Variants in LAMA5 observed in about 807,000 individuals in gnomAD.
The protein encoded by LAMA5 is laminin subunit alpha-5.
Under a neutral mutation model 433.4 loss-of-function variants are expected in LAMA5, and 260 were observed. That is an observed-to-expected ratio of 0.60 (90% CI 0.54 to 0.66). LAMA5 has a LOEUF of 0.66. LAMA5 is among the 30% of genes least tolerant of loss of function. LAMA5 has a pLI of 0.00. For synonymous variants in LAMA5, 2,620 were observed against 2,226.6 expected (o/e 1.18, Z -4.97); for missense variants, 5,378 against 5,258.5 (o/e 1.02, Z -0.70).
Position 62,310,957 on chromosome 20 carries a change from C to T in LAMA5, c.10226G>A (p.Gly3409Glu). 1 of 1,611,446 alleles carries T rather than the reference C, an allele frequency of 6.2e-7. No homozygotes were observed. The highest frequency in any genetic ancestry group is 8.5e-7 in the Non-Finnish European group (1 of 1,179,542). Reference protein sequence around the residue: ...GHFVAQMEGLGTRLRAQSRQR... With the variant: ...GHFVAQMEGLETRLRAQSRQR... Reference sequence around the variant, plus strand: ...GCGGCTCTGGGCGCGGAGCCGAGTCCCGAGGCCTTCCATCTGTGCAACGAA... The same window carrying T: ...GCGGCTCTGGGCGCGGAGCCGAGTCTCGAGGCCTTCCATCTGTGCAACGAA... The change falls in exon 74 of 80, where the codon GGG (glycine) becomes GAG (glutamate). Residue 3409 changes from glycine to glutamate, a missense_variant. By Grantham distance (98) the Gly-to-Glu change is moderately conservative. Transcript: ENST00000252999.
chr20:62,314,417 C>A lies in LAMA5; in HGVS notation c.8391G>T (p.Val2797=). The A allele has an allele frequency of 1.2e-6, 2 of 1,613,510 alleles. No homozygotes were observed. The highest frequency in any genetic ancestry group is 1.7e-6 in the Non-Finnish European group (2 of 1,179,940). ...AGTGCACCTTCTTGTCACGCAGAGA[C>A]ACACCCATGTAGTCCCCAGTGGCCT... ...SRQATGDYMG[V]SLRDKKVHWV... is the part of the protein sequence containing the mutation. The change falls in exon 62 of 80, where the codon GTG becomes GTT. Residue 2797 remains valine (V), a synonymous_variant. Coordinates refer to ENST00000252999, the MANE Select transcript of LAMA5 (RefSeq NM_005560.6).
Position 62,323,438 on chromosome 20 carries a change from T to TC in LAMA5, c.6064+17dup, listed in dbSNP as rs780739714. 2 of 1,525,556 alleles carry TC rather than the reference T, an allele frequency of 1.3e-6. No individual in the cohort carries two copies. Among genetic ancestry groups the TC allele is most frequent in the South Asian group, 2.4e-5 (2 of 82,224 alleles). The allele number at this position is 1,525,556 out of a possible 1,614,324, so 94.5% of individuals were successfully genotyped here. ...CGCAACCCTCCCCAGGGTGCATCCCTCCCAGCCCGACGCCTACGGGTGCAG... is the reference window on the plus strand; with the variant it reads ...CGCAACCCTCCCCAGGGTGCATCCCTCCCCAGCCCGACGCCTACGGGTGCAG... On this transcript the variant is annotated intron_variant, in intron 45 of 79. Coordinates refer to ENST00000252999, the MANE Select transcript of LAMA5 (RefSeq NM_005560.6).
In LAMA5 at chr20:62,317,482, G is replaced by C. The variant is rs146174815; in HGVS notation, c.7374C>G (p.Ala2458=). ...DQAKEELERL[A]ASLDGARTPL... The stretch of plus-strand genomic sequence containing the variant: ...GGGTCCGAGCCCCATCCAGGCTGGC[G>C]GCGAGGCGCTCCAGCTCCTGGAATT... Residue 2458 remains alanine (A), a synonymous_variant, in exon 55 of 80, where the codon GCC becomes GCG. Coordinates refer to ENST00000252999, the MANE Select transcript of LAMA5 (RefSeq NM_005560.6). 3 of 1,551,424 alleles carry C rather than the reference G, an allele frequency of 1.9e-6. No homozygotes were observed. Among genetic ancestry groups the C allele is most frequent in the Non-Finnish European group, 2.6e-6 (3 of 1,146,086 alleles).
chr20:62,330,275 CG>C (rs1282329826), intron 31 of LAMA5, among the ~76,000 whole-genome samples: 1 of 152,272 alleles, frequency 6.6e-6, no homozygotes, highest in Non-Finnish European at 1.5e-5. Context: ...GGCTTCCCAA[CG>C]CACGAGACAG....
At position 62,309,763 on chromosome 20, in the gene LAMA5, G is replaced by A. The variant is rs767866259; in HGVS notation, c.10901C>T (p.Ala3634Val). 48 of 1,604,914 alleles carry A rather than the reference G, an allele frequency of 3.0e-5. No individual in the cohort carries two copies. Among genetic ancestry groups the A allele is most frequent in the Admixed American group, 3.5e-5 (2 of 57,068 alleles). ...QSNHTVGPLL[A>V]AAAGAPAPLY... ...AGGGGCTGGGGCACCAGCTGCAGCCGCCAGCAAGGGGCCCACGGTGTGGTT... is the reference window on the plus strand; with the variant it reads ...AGGGGCTGGGGCACCAGCTGCAGCCACCAGCAAGGGGCCCACGGTGTGGTT... The change falls in exon 79 of 80, where the codon GCG (alanine) becomes GTG (valine). Residue 3634 changes from alanine (A) to valine (V), a missense_variant. By Grantham distance (64) the Ala-to-Val change is moderately conservative. Coordinates refer to ENST00000252999, the MANE Select transcript of LAMA5 (RefSeq NM_005560.6).
At chr20:62,323,251 G>A (rs1978638130) in intron 45 of LAMA5, among the ~76,000 whole-genome samples, 1 of 150,856 alleles carries the variant, frequency 6.6e-6, no homozygotes, top group African/African-American at 2.4e-5. Context: ...GATCGCTGGG[G>A]CGGGAGGGCC....
intron 17 of LAMA5, 53 bp downstream of exon 17, chr20:62,336,681 A>G: frequency 6.2e-7 from 1 of 1,600,600 alleles, no homozygotes; most frequent in Non-Finnish European, 8.6e-7. Context: ...CGGGACTTTT[A>G]GCTTGGCCTG....
intron 18 of LAMA5, among the ~76,000 whole-genome samples, chr20:62,335,585 C>G (rs1409586359): frequency 1.4e-5 from 2 of 140,752 alleles, no homozygotes; most frequent in African/African-American, 2.7e-5. Flanking sequence ...TACCCCAACA[C>G]TCCCTCCAGG....
rs754000684 is a variant in LAMA5, at chr20:62,309,471, G to A, written c.10953C>T (p.Pro3651=). The change falls in exon 80 of 80, where the codon CCC becomes CCT. Residue 3651 remains proline, a synonymous_variant. Coordinates refer to ENST00000252999, the MANE Select transcript of LAMA5 (RefSeq NM_005560.6). ...APLYLGGLPE[P]MAVQPWPPAY... is the part of the protein sequence containing the mutation. ...CGGGGGGCCAGGGCTGCACGGCCAT[G>A]GGCTCTGGGGGCACAGGGAAGATGG... 1 of 1,576,286 alleles carries A rather than the reference G, an allele frequency of 6.3e-7. No individual in the cohort carries two copies. The highest frequency in any genetic ancestry group is 1.1e-5 in the South Asian group (1 of 87,404).
At chr20:62,325,083 T>TGGAGGGGCAGGCGGATGAG (rs1979017353) in intron 41 of LAMA5, 3 of 118,542 alleles carry the variant, frequency 2.5e-5, no homozygotes, top group African/African-American at 2.5e-4. Context: ...GGTGTGTGCA[T>TGGAGGGGCAGGCGGATGAG]GGAGGGGCAG....
chr20:62,325,031 C>G, intron 41 of LAMA5: 1 of 340,092 alleles, frequency 2.9e-6, no homozygotes, highest in Non-Finnish European at 5.5e-6. Flanking sequence ...GTCCAGGTGA[C>G]CCAGTGGTGG....
intron 11 of LAMA5, 62 bp downstream of exon 11, chr20:62,345,756 T>C: frequency 8.0e-7 from 1 of 1,246,190 alleles, no homozygotes. Context: ...AGGAACTTTC[T>C]GTGAAGCCGC....
In LAMA5 at chr20:62,358,179, G is replaced by A. The variant is rs568593125; in HGVS notation, c.450+4221C>T. On this transcript the variant is annotated intron_variant, in intron 2 of 79. Transcript: ENST00000252999. ...TGCAGCCACCAAGGGCAAGCATGGC[G>A]CGGGGGTGCGGGGAGAGGAGCGGCC... Among the ~76,000 whole-genome samples, 37 of 133,634 alleles carry A rather than the reference G, an allele frequency of 2.8e-4. No individual in the cohort carries two copies. The East Asian group carries it at 3.3e-3, about 12-fold the overall frequency. 87.7% of individuals were successfully genotyped at this position (133,634 alleles called of 152,430 possible).
intron 11 of LAMA5, among the ~76,000 whole-genome samples, chr20:62,345,079 G>A (rs959331699): frequency 6.6e-6 from 1 of 152,232 alleles, no homozygotes; most frequent in East Asian, 1.9e-4. Context: ...GTGCAGTGGT[G>A]CAATCTCGGC....
chr20:62,362,666 C>T, intron 1 of LAMA5, 114 bp from the exon 2 acceptor site: 1 of 944,038 alleles, frequency 1.1e-6, no homozygotes, highest in Non-Finnish European at 1.4e-6. Flanking sequence ...TGGTTCCACG[C>T]CCAGCCTCTG....
Position 62,316,675 on chromosome 20 carries a change from G to A in LAMA5, c.7752C>T (p.Gly2584=), listed in dbSNP as rs757650899. Residue 2584 remains glycine (G), a synonymous_variant, in exon 57 of 80, where the codon GGC becomes GGT. Coordinates refer to ENST00000252999, the MANE Select transcript of LAMA5 (RefSeq NM_005560.6). Reference sequence around the variant, plus strand: ...CCATCGGAGCCCAGCACTCACCAAGGCCCAGCCTCTGCTGTTCCTGGAGCA... The same window carrying A: ...CCATCGGAGCCCAGCACTCACCAAGACCCAGCCTCTGCTGTTCCTGGAGCA... ...EAMLQEQQRL[G]LVWAALQGAR... 4 of 1,594,210 alleles carry A rather than the reference G, an allele frequency of 2.5e-6. No individual in the cohort carries two copies. The highest frequency in any genetic ancestry group is 1.1e-5 in the South Asian group (1 of 89,482).
In LAMA5 at chr20:62,310,351, C is replaced by G; in HGVS notation, c.10601-40G>C. On this transcript the variant is annotated intron_variant, in intron 76 of 79. Transcript: ENST00000252999. ...TGTGATGGAGAAGAAAGGGGGGGCC[C>G]CTCCCCAGAACCTCCTGGAGCCCCC... is the stretch of plus-strand genomic sequence containing the variant. 2.5e-6 allele frequency: 4 copies of G among 1,573,096 alleles called. No individual in the cohort carries two copies. The South Asian group carries it at 4.8e-5, about 19-fold the overall frequency.
chr20:62,338,056 G>T lies in LAMA5; in HGVS notation c.1851C>A (p.Asp617Glu), dbSNP rs895876738. Residue 617 changes from aspartate to glutamate, a missense_variant, in exon 14 of 80, where the codon GAC (aspartate) becomes GAA (glutamate). Transcript: ENST00000252999. ...AACCATGGTAGCCAGGGCGGCACCG[G>T]TCACAATGAGGTCCAGCAAACTCAG... is the stretch of plus-strand genomic sequence containing the variant. ...CQPEFAGPHC[D>E]RCRPGYHGFP... 2 of 1,604,866 alleles carry T rather than the reference G, an allele frequency of 1.2e-6. No homozygotes were observed. The highest frequency in any genetic ancestry group is 1.1e-5 in the South Asian group (1 of 90,176).
Position 62,346,187 on chromosome 20 carries a change from A to C in LAMA5, c.1311T>G (p.Asp437Glu). 6.2e-7 allele frequency: 1 copy of C among 1,612,630 alleles called. No homozygotes were observed. Among genetic ancestry groups the C allele is most frequent in the Non-Finnish European group, 8.5e-7 (1 of 1,179,822 alleles). ...RRCNCESDFT[D>E]GTCEDLTGRC... is the part of the protein sequence containing the mutation. ...GACCCGTCAGGTCCTCGCAGGTGCC[A>C]TCCGTGAAGTCGGACTCGCAGTTGC... is the stretch of plus-strand genomic sequence containing the variant. The change falls in exon 10 of 80, where the codon GAT becomes GAG. Residue 437 changes from aspartate (D) to glutamate (E), a missense_variant. Asp to Glu is a conservative substitution (Grantham distance 45). Transcript: ENST00000252999.
Sources: gnomAD v4.1 joint callset for allele counts (sites outside exome capture counted in the v4.1 genomes callset) on GRCh38, gnomAD v4.1.1 for gene constraint, MANE v1.5 for transcripts, NCBI Gene and HGNC (gene_info 2026-07-23, HGNC 2026-07-21) for gene names.